HDAC2: variants seen among roughly 807,000 people sequenced by gnomAD.
HDAC2 encodes the protein YY1-associated factor 1.
In HDAC2, 5 loss-of-function variants were observed where a neutral mutation model predicts 68.5. That is an observed-to-expected ratio of 0.07 (90% confidence interval 0.04 to 0.15). The LOEUF (loss-of-function observed/expected upper bound fraction) is 0.15, where lower values mean the gene tolerates loss of function less well. Ranked by LOEUF, HDAC2 falls within the 10% of genes least tolerant of loss-of-function variation. HDAC2 has a pLI of 1.00. For synonymous variants in HDAC2, 182 were observed against 191.3 expected (o/e 0.95, Z 0.40); for missense variants, 291 against 600.8 (o/e 0.48, Z 5.39).
rs377599148 is a variant in HDAC2, at chr6:113,949,126, A to G, written c.733-39T>C. The G allele has an allele frequency of 3.3e-5, 53 of 1,608,356 alleles. No individual in the cohort carries two copies. The African/African-American group carries it at 6.4e-4, about 19-fold the overall frequency. On this transcript the variant is annotated intron_variant, in intron 7 of 13. Transcript: ENST00000519065. ...AACAAATGTTAGCATCTCCAATAAC[A>G]TTCTGAAATTCCATTCCAATTGTGA...
At chr6:113,953,776 G>C (rs937709309) in intron 5 of HDAC2, among the ~76,000 whole-genome samples, 2 of 152,202 alleles carry the variant, frequency 1.3e-5, no homozygotes, top group East Asian at 3.8e-4. Context: ...GTATAAAATA[G>C]GGATTGGCTA....
rs1359458958 is a variant in HDAC2 at position 113,939,252 on chromosome 6, A to G, written c.*1806T>C. On this transcript the variant is annotated 3_prime_UTR_variant, in exon 14 of 14. Transcript: ENST00000519065. Reference sequence around the variant, plus strand: ...GATGCCAGAACATCTGGAGCCTGCGAAATGGTATTTTCTTATTTAAAACAG... The same window carrying G: ...GATGCCAGAACATCTGGAGCCTGCGGAATGGTATTTTCTTATTTAAAACAG... 1 of 152,192 alleles carries G rather than the reference A, an allele frequency of 6.6e-6. No individual in the cohort carries two copies. Among genetic ancestry groups the G allele is most frequent in the Non-Finnish European group, 1.5e-5 (1 of 68,074 alleles). The allele number at this position is 152,192 out of a possible 1,614,324, so 9.4% of individuals were successfully genotyped here. A position where few individuals can be genotyped will look rare whatever the true frequency, so the allele number is the denominator to read the frequency against.
Position 113,948,920 on chromosome 6 carries a change from G to A in HDAC2, c.841+59C>T. On this transcript the variant is annotated intron_variant, in intron 8 of 13. Transcript: ENST00000519065. ...ACTACAATGAGAACTTTTACGGGGA[G>A]TTCTTGGGTGGAAGAAAAACCATTT... The A allele has an allele frequency of 5.0e-6, 8 of 1,584,190 alleles. No homozygotes were observed. The South Asian group carries it at 8.2e-5, about 16-fold the overall frequency.
At position 113,959,912 on chromosome 6, in the gene HDAC2, T is replaced by C. The variant is rs1562147827; in HGVS notation, c.159A>G (p.Glu53=). The C allele has an allele frequency of 7.3e-7, 1 of 1,364,308 alleles. No homozygotes were observed. 84.5% of individuals were successfully genotyped at this position (1,364,308 alleles called of 1,614,324 possible). A position where few individuals can be genotyped will look rare whatever the true frequency, so the allele number is the denominator to read the frequency against. The change falls in exon 2 of 14, where the codon GAA becomes GAG. Residue 53 remains glutamate (E), a synonymous_variant. Coordinates refer to ENST00000519065, the MANE Select transcript of HDAC2 (RefSeq NM_001527.4). ...LLNYGLYRKM[E]IYRPHKATAE... ...TATTAAAAGGAATACTCACATATATTTCCATTTTTCTGTATAAGCCATAAT... is the reference window on the plus strand; with the variant it reads ...TATTAAAAGGAATACTCACATATATCTCCATTTTTCTGTATAAGCCATAAT...
chr6:113,945,071 C>T (rs373881016), intron 10 of HDAC2, among the ~76,000 whole-genome samples: 8 of 151,476 alleles, frequency 5.3e-5, no homozygotes, highest in Admixed American at 2.0e-4. Flanking sequence ...TGGCTGAATA[C>T]GGTGGCTCAT....
At chr6:113,967,946 G>A (rs1776862883) in intron 1 of HDAC2, among the ~76,000 whole-genome samples, 1 of 152,150 alleles carries the variant, frequency 6.6e-6, no homozygotes, top group Non-Finnish European at 1.5e-5. Flanking sequence ...TTTCTTCAAA[G>A]GTTTAAGGAT....
chr6:113,937,301 T>C lies in HDAC2; in HGVS notation c.*3757A>G, dbSNP rs1029197836. The stretch of plus-strand genomic sequence containing the variant: ...CATCAAAACCATAAAAAACAGAAGA[T>C]GTAGGTGACTAACTTCAATGTAAGA... On this transcript the variant is annotated 3_prime_UTR_variant, in exon 14 of 14. Coordinates refer to ENST00000519065, the MANE Select transcript of HDAC2 (RefSeq NM_001527.4). 1 of 152,176 alleles carries C rather than the reference T, an allele frequency of 6.6e-6. No homozygotes were observed. The allele number at this position is 152,176 out of a possible 1,614,324, so 9.4% of individuals were successfully genotyped here.
At chr6:113,943,572 C>G in intron 11 of HDAC2, 66 bp from the exon 12 acceptor site, 1 of 1,290,218 alleles carries the variant, frequency 7.8e-7, no homozygotes, top group South Asian at 1.5e-5. Context: ...TTACAGCATA[C>G]TCATACAAAT....
chr6:113,966,246 C>T (rs1776814929), intron 1 of HDAC2, among the ~76,000 whole-genome samples: 1 of 151,998 alleles, frequency 6.6e-6, no homozygotes, highest in African/African-American at 2.4e-5. Flanking sequence ...TGAAAGCGTT[C>T]TATCTATAAG....
In HDAC2 at chr6:113,938,590, T is replaced by G. The variant is rs1220515992; in HGVS notation, c.*2468A>C. On this transcript the variant is annotated 3_prime_UTR_variant, in exon 14 of 14. Transcript: ENST00000519065. ...CTGGGTTTTCCATTTGGTTACCAGT[T>G]GTTGTCCCAATTCCACTTACAAAAT... The G allele has an allele frequency of 6.6e-6, 1 of 152,158 alleles. No homozygotes were observed. The highest frequency in any genetic ancestry group is 1.5e-5 in the Non-Finnish European group (1 of 68,018). The allele number at this position is 152,158 out of a possible 1,614,324, so 9.4% of individuals were successfully genotyped here.
rs2114629713 is a variant in HDAC2, at chr6:113,970,804, G to A, written c.52+53C>T. 13 of 1,471,698 alleles carry A rather than the reference G, an allele frequency of 8.8e-6. No individual in the cohort carries two copies. In the South Asian group the frequency reaches 1.5e-4, roughly 17 times the overall value. 91.2% of individuals were successfully genotyped at this position (1,471,698 alleles called of 1,614,324 possible). On this transcript the variant is annotated intron_variant, in intron 1 of 13. Coordinates refer to ENST00000519065, the MANE Select transcript of HDAC2 (RefSeq NM_001527.4). ...GCGCCCACTCGCGACGGCAGCCGCG[G>A]AACCCAGCGCCCGGCCCCGCGCGCC...
rs1374229496 is a variant in HDAC2 at position 113,970,921 on chromosome 6, C to T, written c.-13G>A. The stretch of plus-strand genomic sequence containing the variant: ...GACTGTACGCCATGGGCTCCCCGGC[C>T]ACCGCCGCCACCGGGCTCCTCCTCC... On this transcript the variant is annotated 5_prime_UTR_variant, in exon 1 of 14. Transcript: ENST00000519065. The T allele has an allele frequency of 3.9e-6, 6 of 1,550,770 alleles. No homozygotes were observed. The Admixed American group carries it at 7.8e-5, about 20-fold the overall frequency.
chr6:113,965,951 T>C (rs1279264637), intron 1 of HDAC2, among the ~76,000 whole-genome samples: 1 of 152,238 alleles, frequency 6.6e-6, no homozygotes, highest in Non-Finnish European at 1.5e-5. Context: ...AGTGTTTTCC[T>C]TTAAGGACTT....
Position 113,933,124 on chromosome 6 carries a change from A to G in HDAC2, c.*7934T>C, listed in dbSNP as rs1312273105. On this transcript the variant is annotated 3_prime_UTR_variant, in exon 14 of 14. Transcript: ENST00000519065. ...GGGGGAAATTATACGTAATTGCTAA[A>G]ATGTTGACATCAAAACTTTGCAGTT... is the stretch of plus-strand genomic sequence containing the variant. 6.6e-6 allele frequency: 1 copy of G among 152,240 alleles called. No individual in the cohort carries two copies. Among genetic ancestry groups the G allele is most frequent in the Non-Finnish European group, 1.5e-5 (1 of 68,052 alleles). The allele number at this position is 152,240 out of a possible 1,614,324, so 9.4% of individuals were successfully genotyped here.
At position 113,970,489 on chromosome 6, in the gene HDAC2, C is replaced by G. The variant is rs112861547; in HGVS notation, c.52+368G>C. On this transcript the variant is annotated intron_variant, in intron 1 of 13. Coordinates refer to ENST00000519065, the MANE Select transcript of HDAC2 (RefSeq NM_001527.4). ...GCGGGGCACCCCAAACCTGCGTTGCCACGAATGGTGGGCGGGAGAAGGGAG... is the reference window on the plus strand; with the variant it reads ...GCGGGGCACCCCAAACCTGCGTTGCGACGAATGGTGGGCGGGAGAAGGGAG... The G allele has an allele frequency of 7.1e-6, 8 of 1,121,458 alleles. No individual in the cohort carries two copies. In the African/African-American group the frequency reaches 1.3e-4, roughly 18 times the overall value. The allele number at this position is 1,121,458 out of a possible 1,614,324, so 69.5% of individuals were successfully genotyped here.
intron 1 of HDAC2, among the ~76,000 whole-genome samples, chr6:113,966,160 C>A (rs1234503021): frequency 6.6e-6 from 1 of 152,094 alleles, no homozygotes; most frequent in African/African-American, 2.4e-5. Context: ...CTAAACAATA[C>A]CAAAAATGCC....
At chr6:113,943,178 T>C (rs1307734459) in intron 12 of HDAC2, among the ~76,000 whole-genome samples, 173 bp downstream of exon 12, 1 of 152,154 alleles carries the variant, frequency 6.6e-6, no homozygotes, top group Non-Finnish European at 1.5e-5. Flanking sequence ...ATAACATTTA[T>C]ATAAAAGCTT....
chr6:113,945,197 T>TA (rs34041761), intron 10 of HDAC2, among the ~76,000 whole-genome samples, 165 bp downstream of exon 10: 11,364 of 134,822 alleles, frequency 0.084, 534 homozygotes, highest in South Asian at 0.13. Flanking sequence ...AATTAAAAAT[T>TA]AAAAAAAAAA....
In HDAC2 at chr6:113,959,930, G is replaced by A. The variant is rs766224813; in HGVS notation, c.141C>T (p.Gly47=). 1.3e-6 allele frequency: 2 copies of A among 1,505,008 alleles called. No individual in the cohort carries two copies. Among genetic ancestry groups the A allele is most frequent in the Admixed American group, 1.7e-5 (1 of 59,648 alleles). The allele number at this position is 1,505,008 out of a possible 1,614,324, so 93.2% of individuals were successfully genotyped here. A position where few individuals can be genotyped will look rare whatever the true frequency, so the allele number is the denominator to read the frequency against. Residue 47 remains glycine (G), a synonymous_variant, in exon 2 of 14, where the codon GGC becomes GGT. Coordinates refer to ENST00000519065, the MANE Select transcript of HDAC2 (RefSeq NM_001527.4). ...CATATATTTCCATTTTTCTGTATAA[G>A]CCATAATTTAACAGCAAGTTATGGG... ...RMTHNLLLNY[G]LYRKMEIYRP... is the part of the protein sequence containing the mutation.
Sources: gnomAD v4.1 joint callset for allele counts (sites outside exome capture counted in the v4.1 genomes callset) on GRCh38, gnomAD v4.1.1 for gene constraint, MANE v1.5 for transcripts, NCBI Gene and HGNC (gene_info 2026-07-23, HGNC 2026-07-21) for gene names.